The following RBFOX3 variants were observed in gnomAD, a reference collection of about 807,000 sequenced individuals.
RBFOX3 encodes RNA binding protein fox-1 homolog 3.
RBFOX3 carries 17 observed loss-of-function variants against 48.7 expected under a neutral mutation model. That is an observed-to-expected ratio of 0.35 (90% CI 0.24 to 0.52). The LOEUF is 0.52. RBFOX3 is among the 20% of genes least tolerant of loss of function. The pLI is 0.94. For synonymous variants in RBFOX3, 212 were observed against 209.5 expected (o/e 1.01, Z -0.10); for missense variants, 382 against 497.5 (o/e 0.77, Z 2.21).
rs916830800 is a variant in RBFOX3, at chr17:79,604,366, G to A, written c.-320+6460C>T. 9.9e-3 allele frequency among the ~76,000 whole-genome samples: 1,503 copies of A among 152,258 alleles called. 24 individuals are homozygous for A. Among genetic ancestry groups the A allele is most frequent in the African/African-American group, 0.034 (1,410 of 41,528 alleles). On this transcript the variant is annotated intron_variant, in intron 1 of 14. Coordinates refer to ENST00000693108, the MANE Select transcript of RBFOX3 (RefSeq NM_001350451.2). ...GGATCTCAAGGTGACGGGTAATGTC[G>A]GGACATACCGGTGTGTGCGGCTCTC...
chr17:79,529,004 C>A (rs2087257580), intron 1 of RBFOX3, among the ~76,000 whole-genome samples: 1 of 152,214 alleles, frequency 6.6e-6, no homozygotes, highest in Admixed American at 6.5e-5. Flanking sequence ...AGTAACTGTT[C>A]CCACATAACA....
At chr17:79,594,975 G>A (rs1433183972) in intron 1 of RBFOX3, among the ~76,000 whole-genome samples, 4 of 152,052 alleles carry the variant, frequency 2.6e-5, no homozygotes, top group Non-Finnish European at 5.9e-5. Flanking sequence ...GCATTTACTG[G>A]GTCCCCAAAG....
intron 2 of RBFOX3, among the ~76,000 whole-genome samples, chr17:79,309,260 A>AG (rs2076512408): frequency 6.6e-6 from 1 of 152,110 alleles, no homozygotes; most frequent in Admixed American, 6.5e-5. Context: ...GAAGGCAGAC[A>AG]GGGCAGGAAG....
At chr17:79,519,223 G>C (rs1002795331) in intron 1 of RBFOX3, among the ~76,000 whole-genome samples, 1 of 152,230 alleles carries the variant, frequency 6.6e-6, no homozygotes, top group African/African-American at 2.4e-5. Context: ...CGGCAGATGG[G>C]GCCATCCCTG....
At chr17:79,497,972 T>C (rs2081801417) in intron 1 of RBFOX3, among the ~76,000 whole-genome samples, 1 of 152,218 alleles carries the variant, frequency 6.6e-6, no homozygotes, top group Non-Finnish European at 1.5e-5. Flanking sequence ...TAGGCAGATG[T>C]GCAGGAGGCT....
In RBFOX3 at chr17:79,249,685, C is replaced by A. The variant is rs1288244511; in HGVS notation, c.-73-13880G>T. Among the ~76,000 whole-genome samples the A allele has an allele frequency of 6.9e-6, 1 of 145,884 alleles. No individual in the cohort carries two copies. Among genetic ancestry groups the A allele is most frequent in the Non-Finnish European group, 1.6e-5 (1 of 64,294 alleles). On this transcript the variant is annotated intron_variant, in intron 3 of 14. Coordinates refer to ENST00000693108, the MANE Select transcript of RBFOX3 (RefSeq NM_001350451.2). The surrounding 1 kb of genome is among the most constrained non-coding windows in gnomAD (Gnocchi z 4.1). ...GCCAGCCCCAAAACCACTTCCCCTG[C>A]CTCGCCCGTTCCTTCCTAGGGAAAC...
the RBFOX3 span, among the ~76,000 whole-genome samples, chr17:79,616,691 C>T: frequency 2.2e-4 from 33 of 152,120 alleles, no homozygotes; most frequent in Non-Finnish European, 2.8e-4. Context: ...CATCCAAGCA[C>T]GCTGTGGGAC....
chr17:79,162,753 G>A (rs573589949), intron 4 of RBFOX3, among the ~76,000 whole-genome samples: 18 of 152,252 alleles, frequency 1.2e-4, no homozygotes, highest in African/African-American at 4.3e-4. Context: ...TGGTGTGGGC[G>A]GGCGGGGGTC....
intron 12 of RBFOX3, among the ~76,000 whole-genome samples, 192 bp downstream of exon 12, chr17:79,096,461 A>C (rs1466386116): frequency 6.6e-6 from 1 of 150,422 alleles, no homozygotes; most frequent in Non-Finnish European, 1.5e-5. Flanking sequence ...GGTACCAACA[A>C]CCAAACTGTG....
chr17:79,179,651 A>G (rs2051422498), intron 4 of RBFOX3, among the ~76,000 whole-genome samples: 1 of 152,168 alleles, frequency 6.6e-6, no homozygotes, highest in African/African-American at 2.4e-5. Context: ...GCAGTTTAAT[A>G]ATAAAGTAAT....
Position 79,390,010 on chromosome 17 carries a change from A to AGGTCTCTGTAGCCTCCG in RBFOX3, c.-174-82187_-174-82186insCGGAGGCTACAGAGACC, listed in dbSNP as rs1568165165. ...CAGCCTCCAGGTCTCCGCAGCCTCCAGGTCTCCGCAGCCTCCAGGTCTCCG... is the reference window on the plus strand; with the variant it reads ...CAGCCTCCAGGTCTCCGCAGCCTCCAGGTCTCTGTAGCCTCCGGGTCTCCGCAGCCTCCAGGTCTCCG... On this transcript the variant is annotated intron_variant, in intron 2 of 14. Transcript: ENST00000693108. The surrounding 1 kb of genome is among the most constrained non-coding windows in gnomAD (Gnocchi z 4.2). Among the ~76,000 whole-genome samples the AGGTCTCTGTAGCCTCCG allele has an allele frequency of 1.1e-5, 1 of 93,248 alleles. No individual in the cohort carries two copies. The highest frequency in any genetic ancestry group is 2.6e-5 in the Non-Finnish European group (1 of 39,036). 61.2% of individuals were successfully genotyped at this position (93,248 alleles called of 152,430 possible).
At chr17:79,490,968 T>C (rs2080411957) in intron 1 of RBFOX3, among the ~76,000 whole-genome samples, 1 of 145,152 alleles carries the variant, frequency 6.9e-6, no homozygotes, top group Admixed American at 7.0e-5. Context: ...GCAGAGGTAC[T>C]GCATTCATGG....
intron 3 of RBFOX3, among the ~76,000 whole-genome samples, chr17:79,244,551 C>A (rs1232102031): frequency 6.7e-6 from 1 of 149,954 alleles, no homozygotes; most frequent in Non-Finnish European, 1.5e-5. Context: ...GTTTTCACCC[C>A]CTGCCTGCAC....
rs193162400 is a variant in RBFOX3 at position 79,362,502 on chromosome 17, C to A, written c.-174-54678G>T. Among the ~76,000 whole-genome samples the A allele has an allele frequency of 9.4e-4, 143 of 152,272 alleles. No individual in the cohort carries two copies. The highest frequency in any genetic ancestry group is 3.4e-3 in the Middle Eastern group (1 of 294). ...TGCGCTGGGCCTGGATGGCACTAGG[C>A]TGAGGGGAGCAGGGGGAGCAGTGTC... On this transcript the variant is annotated intron_variant, in intron 2 of 14. Transcript: ENST00000693108. The surrounding 1 kb of genome is among the most constrained non-coding windows in gnomAD (Gnocchi z 4.2).
chr17:79,304,351 C>T (rs879271278), intron 3 of RBFOX3, among the ~76,000 whole-genome samples: 4 of 151,100 alleles, frequency 2.6e-5, no homozygotes, highest in Non-Finnish European at 5.9e-5. Context: ...TATATATACA[C>T]ACACGTAAAT....
intron 1 of RBFOX3, among the ~76,000 whole-genome samples, chr17:79,583,486 C>T (rs1033470543): frequency 6.6e-6 from 1 of 152,130 alleles, no homozygotes; most frequent in Non-Finnish European, 1.5e-5. Context: ...GGTATAAGAA[C>T]AGCTAACTGG....
chr17:79,252,757 C>T lies in RBFOX3; in HGVS notation c.-73-16952G>A, dbSNP rs2064171401. On this transcript the variant is annotated intron_variant, in intron 3 of 14. Coordinates refer to ENST00000693108, the MANE Select transcript of RBFOX3 (RefSeq NM_001350451.2). The surrounding 1 kb of genome is among the most constrained non-coding windows in gnomAD (Gnocchi z 4.0). The stretch of plus-strand genomic sequence containing the variant: ...GTTGACCACTCCCAGCCAACTGCCC[C>T]TCTCAATGCCCCTCTCCTTTCCCTT... Among the ~76,000 whole-genome samples the T allele has an allele frequency of 6.6e-6, 1 of 152,234 alleles. No homozygotes were observed. Among genetic ancestry groups the T allele is most frequent in the Non-Finnish European group, 1.5e-5 (1 of 68,044 alleles).
At chr17:79,257,622 C>T (rs937639962) in intron 3 of RBFOX3, among the ~76,000 whole-genome samples, 6 of 152,182 alleles carry the variant, frequency 3.9e-5, no homozygotes, top group African/African-American at 7.2e-5. Context: ...GCTCTGTTAC[C>T]CAGGATGGAG....
At chr17:79,113,766 G>A (rs1038177131) in intron 5 of RBFOX3, among the ~76,000 whole-genome samples, 4 of 152,178 alleles carry the variant, frequency 2.6e-5, no homozygotes, top group Admixed American at 6.5e-5. Flanking sequence ...CTGTCCTTGC[G>A]TGGCAGGAAC....
Sources: allele counts gnomAD v4.1 joint callset (sites outside exome capture counted in the v4.1 genomes callset), GRCh38; gene constraint gnomAD v4.1.1; non-coding constraint Gnocchi (gnomAD v3.1); transcripts MANE v1.5; gene names NCBI Gene and HGNC (gene_info 2026-07-23, HGNC 2026-07-21).